AVEN: variants seen among roughly 807,000 people sequenced by gnomAD.
The protein encoded by AVEN is cell death regulator Aven.
A neutral mutation model predicts 38.1 loss-of-function variants in AVEN; 41 were observed. The observed-to-expected ratio is 1.08, with a 90% CI of 0.84 to 1.40. The LOEUF (loss-of-function observed/expected upper bound fraction) is 1.40. AVEN is among the 40% of genes most tolerant of loss of function. The pLI is 0.00. For synonymous variants in AVEN, 206 were observed against 171.8 expected (o/e 1.20, Z -1.56); for missense variants, 605 against 438.8 (o/e 1.38, Z -3.38).
chr15:33,902,468 A>C (rs773517239), intron 2 of AVEN, among the ~76,000 whole-genome samples: 1 of 152,232 alleles, frequency 6.6e-6, no homozygotes, highest in Non-Finnish European at 1.5e-5. Context: ...AAAAACATAC[A>C]ACTAACATCA....
At chr15:33,971,780 C>T (rs2140497167) in intron 2 of AVEN, among the ~76,000 whole-genome samples, 1 of 152,014 alleles carries the variant, frequency 6.6e-6, no homozygotes, top group East Asian at 1.9e-4. Flanking sequence ...TTCAACTAGC[C>T]AATATATTTG....
downstream of AVEN, chr15:33,865,907 TTTAG>T (rs2153031573): frequency 6.5e-6 from 1 of 152,824 alleles, no homozygotes; most frequent in East Asian, 1.9e-4. Context: ...TACAAGTTTT[TTTAG>T]TAACAGCTGT....
rs115213177 is a variant in AVEN, at chr15:33,874,912, G to A, written c.516+1013C>T. ...TATTCCTCAACAATCTATCTTCGATGTGTCCTAGAATACTAAACAGTACCT... is the reference window on the plus strand; with the variant it reads ...TATTCCTCAACAATCTATCTTCGATATGTCCTAGAATACTAAACAGTACCT... On this transcript the variant is annotated intron_variant, in intron 3 of 5. Transcript: ENST00000306730. Among the ~76,000 whole-genome samples the A allele has an allele frequency of 4.0e-3, 607 of 152,342 alleles. 5 individuals are homozygous for A. Among genetic ancestry groups the A allele is most frequent in the African/African-American group, 0.014 (586 of 41,566 alleles).
At chr15:33,917,180 A>C (rs1893169528) in intron 2 of AVEN, among the ~76,000 whole-genome samples, 1 of 152,146 alleles carries the variant, frequency 6.6e-6, no homozygotes, top group African/African-American at 2.4e-5. Flanking sequence ...AAAGAACTCA[A>C]AGCAGAACTA....
At chr15:34,012,193 C>T (rs1263918434) in intron 1 of AVEN, among the ~76,000 whole-genome samples, 1 of 152,140 alleles carries the variant, frequency 6.6e-6, no homozygotes, top group Non-Finnish European at 1.5e-5. Flanking sequence ...ATTAAATGGT[C>T]CTATATAAAG....
chr15:33,938,898 A>G (rs936651784), intron 2 of AVEN, among the ~76,000 whole-genome samples: 1 of 151,888 alleles, frequency 6.6e-6, no homozygotes, highest in Non-Finnish European at 1.5e-5. Context: ...CTGGAATGCA[A>G]TGGCGCCATC....
intron 2 of AVEN, among the ~76,000 whole-genome samples, chr15:33,915,526 G>C (rs1190833122): frequency 6.6e-6 from 1 of 152,208 alleles, no homozygotes; most frequent in Non-Finnish European, 1.5e-5. Flanking sequence ...TGGGCTCTTG[G>C]TCCCCAGGAA....
At chr15:34,013,651 A>G (rs918434950) in intron 1 of AVEN, among the ~76,000 whole-genome samples, 8 of 152,232 alleles carry the variant, frequency 5.3e-5, no homozygotes, top group African/African-American at 1.7e-4. Context: ...TGTGGGAAAC[A>G]CGGAGAAGTA....
At chr15:33,920,183 T>A (rs748862989) in intron 2 of AVEN, among the ~76,000 whole-genome samples, 1 of 152,174 alleles carries the variant, frequency 6.6e-6, no homozygotes, top group Non-Finnish European at 1.5e-5. Context: ...ACAATCTTAA[T>A]TGTGGTAAAA....
Position 33,870,947 on chromosome 15 carries a change from G to C in AVEN, c.600C>G (p.Ala200=). ...TCGGGATTTTTACCTGGACCAGTTC[G>C]GCAGCAACGTTGAGTCGGAGGCAGA... The part of the protein sequence containing the change: ...LPLCLRLNVA[A]ELVQGTVPLE... Residue 200 remains alanine, a synonymous_variant, in exon 4 of 6, where the codon GCC becomes GCG. Transcript: ENST00000306730. The C allele has an allele frequency of 6.2e-7, 1 of 1,610,966 alleles. No individual in the cohort carries two copies. Among genetic ancestry groups the C allele is most frequent in the South Asian group, 1.1e-5 (1 of 90,634 alleles).
chr15:34,060,452 CTG>C (rs1900296563), intron 5 of AVEN, among the ~76,000 whole-genome samples: 1 of 152,178 alleles, frequency 6.6e-6, no homozygotes, highest in Admixed American at 6.5e-5. Flanking sequence ...GCCAAGAAAA[CTG>C]TAGCCCTTTG....
the AVEN span, chr15:33,853,212 T>G: frequency 1.0e-6 from 1 of 973,868 alleles, no homozygotes; most frequent in Non-Finnish European, 1.5e-6. Context: ...TCAAGAAGAG[T>G]AAGTCACAGA....
intron 4 of AVEN, among the ~76,000 whole-genome samples, chr15:33,869,995 T>C (rs913860279): frequency 5.3e-5 from 8 of 152,158 alleles, no homozygotes; most frequent in Non-Finnish European, 8.8e-5. Flanking sequence ...TTGACTGTTA[T>C]TTCCACTTGG....
intron 1 of AVEN, among the ~76,000 whole-genome samples, chr15:34,022,885 C>G (rs1055876174): frequency 2.0e-5 from 3 of 152,176 alleles, no homozygotes; most frequent in African/African-American, 7.2e-5. Context: ...TGGCTCAAAG[C>G]CAGATAGAAA....
At chr15:34,070,454 G>A (rs1900603748) in intron 2 of AVEN, among the ~76,000 whole-genome samples, 1 of 150,552 alleles carries the variant, frequency 6.6e-6, no homozygotes, top group South Asian at 2.1e-4. Context: ...TTATTTTAAT[G>A]TTTTTAGTTT....
At chr15:33,856,333 C>G (rs561756892), downstream of AVEN, 7 of 152,394 alleles carry the variant, frequency 4.6e-5, 1 homozygote, top group African/African-American at 1.7e-4. Flanking sequence ...TTGTGTGGCT[C>G]CTTGAAGGCA....
chr15:34,058,658 T>TAC (rs1900238691), intron 5 of AVEN, among the ~76,000 whole-genome samples: 1 of 151,564 alleles, frequency 6.6e-6, no homozygotes, highest in South Asian at 2.1e-4. Context: ...AAGTAACTAA[T>TAC]ACACCCTTGT....
downstream of AVEN, chr15:33,856,647 GTTTT>G (rs60494844): frequency 3.3e-5 from 5 of 153,782 alleles, no homozygotes; most frequent in East Asian, 9.5e-4. Context: ...GAACCTTTGG[GTTTT>G]TTGTTTGTTT....
intron 2 of AVEN, among the ~76,000 whole-genome samples, chr15:33,922,567 T>C (rs746687030): frequency 6.6e-6 from 1 of 152,112 alleles, no homozygotes; most frequent in Non-Finnish European, 1.5e-5. Context: ...CCTGAGCAGC[T>C]GGGACTACTG....
Sources: allele counts gnomAD v4.1 joint callset (sites outside exome capture counted in the v4.1 genomes callset), GRCh38; gene constraint gnomAD v4.1.1; transcripts MANE v1.5; gene names NCBI Gene and HGNC (gene_info 2026-07-23, HGNC 2026-07-21).